The following MFSD2A variants were observed in gnomAD, a reference collection of about 807,000 sequenced individuals.
MFSD2A encodes the protein MFSD2 lysolipid transporter A, lysophospholipid, also known as sodium-dependent lysophosphatidylcholine symporter 1.
MFSD2A carries 27 observed loss-of-function variants against 64.7 expected under a neutral mutation model. The observed-to-expected ratio is 0.42, with a 90% CI of 0.31 to 0.58. The LOEUF is 0.58. Among genes scored for constraint, MFSD2A ranks in the 20% least tolerant of loss-of-function variants. MFSD2A has a pLI of 0.18. For missense variants in MFSD2A, 474 were observed against 679.5 expected, an observed-to-expected ratio of 0.70 and a Z score of 3.36; for synonymous variants, 258 against 273.4, an observed-to-expected ratio of 0.94 and a Z score of 0.55.
rs1361071365 is a variant in MFSD2A at position 39,968,846 on chromosome 1, A to G, written c.1529+101A>G. On this transcript the variant is annotated intron_variant, in intron 13 of 13. Coordinates refer to ENST00000372811, the MANE Select transcript of MFSD2A (RefSeq NM_032793.5). This position sits in a 1 kb window ranked among gnomAD's most constrained non-coding sequence, Gnocchi z 4.4. ...CCAAGTCCAGACTCACCCCCCACAC[A>G]TCTTCTCTGGACAGCTGTAACACTT... 1.2e-5 allele frequency: 15 copies of G among 1,302,418 alleles called. No homozygotes were observed. The highest frequency in any genetic ancestry group is 9.5e-5 in the East Asian group (4 of 42,182). The allele number at this position is 1,302,418 out of a possible 1,614,324, so 80.7% of individuals were successfully genotyped here.
intron 9 of MFSD2A, 59 bp from the exon 10 acceptor site, chr1:39,967,569 G>A: frequency 6.6e-7 from 1 of 1,504,042 alleles, no homozygotes. Context: ...TCTGGGAAGG[G>A]CAGGAGGGGC....
At position 39,959,861 on chromosome 1, in the gene MFSD2A, T is replaced by C. The variant is rs150649877; in HGVS notation, c.353+1036T>C. On this transcript the variant is annotated intron_variant, in intron 3 of 13. Coordinates refer to ENST00000372811, the MANE Select transcript of MFSD2A (RefSeq NM_032793.5). Reference sequence around the variant, plus strand: ...AGGAGAGCTGGCATGTGGTCCCTAGTACAGGCCACACCAGGGGAACTGCAG... The same window carrying C: ...AGGAGAGCTGGCATGTGGTCCCTAGCACAGGCCACACCAGGGGAACTGCAG... Among the ~76,000 whole-genome samples the C allele has an allele frequency of 1.2e-3, 184 of 152,336 alleles. 1 individual carries two copies. Among genetic ancestry groups the C allele is most frequent in the African/African-American group, 4.1e-3 (169 of 41,580 alleles).
rs1406527222 is a variant in MFSD2A at position 39,958,915 on chromosome 1, G to T, written c.353+90G>T. ...CCTTCTCTCTGTCTTGTCACAGGCA[G>T]AAGGGTGAGGAGAAGGAAGGAGTTA... On this transcript the variant is annotated intron_variant, in intron 3 of 13. Coordinates refer to ENST00000372811, the MANE Select transcript of MFSD2A (RefSeq NM_032793.5). This position sits in a 1 kb window ranked among gnomAD's most constrained non-coding sequence, Gnocchi z 4.7. The T allele has an allele frequency of 4.9e-6, 7 of 1,433,214 alleles. No individual in the cohort carries two copies. Among genetic ancestry groups the T allele is most frequent in the Non-Finnish European group, 6.6e-6 (7 of 1,062,576 alleles). 88.8% of individuals were successfully genotyped at this position (1,433,214 alleles called of 1,614,324 possible). A position where few individuals can be genotyped will look rare whatever the true frequency, so the allele number is the denominator to read the frequency against.
chr1:39,962,627 A>G, intron 3 of MFSD2A: 1 of 827,934 alleles, frequency 1.2e-6, no homozygotes, highest in Non-Finnish European at 2.0e-6. Flanking sequence ...CCTTCCGCGG[A>G]GGTTTCGGCA....
In MFSD2A at chr1:39,964,728, T is replaced by C. The variant is rs554327279; in HGVS notation, c.354-483T>C. On this transcript the variant is annotated intron_variant, in intron 3 of 13. Transcript: ENST00000372811. This position sits in a 1 kb window ranked among gnomAD's most constrained non-coding sequence, Gnocchi z 4.1. The stretch of plus-strand genomic sequence containing the variant: ...TGTGAATGGGGTGTGTGTGTGTGAA[T>C]GATGTGTGTGTGAATGAGGTGTGTG... The C allele has an allele frequency of 6.1e-4, 100 of 163,898 alleles. 2 individuals carry two copies. The highest frequency in any genetic ancestry group is 2.8e-3 in the Middle Eastern group (1 of 354). The allele number at this position is 163,898 out of a possible 1,614,324, so 10.2% of individuals were successfully genotyped here.
Position 39,965,444 on chromosome 1 carries a change from C to G in MFSD2A, c.478-27C>G. The G allele has an allele frequency of 6.2e-7, 1 of 1,613,838 alleles. No homozygotes were observed. The highest frequency in any genetic ancestry group is 2.2e-5 in the East Asian group (1 of 44,878). On this transcript the variant is annotated intron_variant, in intron 4 of 13. Coordinates refer to ENST00000372811, the MANE Select transcript of MFSD2A (RefSeq NM_032793.5). This position sits in a 1 kb window ranked among gnomAD's most constrained non-coding sequence, Gnocchi z 5.5. ...ACATCAGTGTGTCCACCCGCCTGAC[C>G]AGCCAATGACCTGTCTTCTATGCCA...
In MFSD2A at chr1:39,963,509, A is replaced by T; in HGVS notation, c.354-1702A>T. ...ACAGGCTGGACTCAAACTCCTGGGG[A>T]AAAGCAATCCTCTTGCCTCAGTTTC... On this transcript the variant is annotated intron_variant, in intron 3 of 13. Coordinates refer to ENST00000372811, the MANE Select transcript of MFSD2A (RefSeq NM_032793.5). The surrounding 1 kb of genome is among the most constrained non-coding windows in gnomAD (Gnocchi z 4.2). The T allele has an allele frequency of 2.3e-6, 1 of 444,084 alleles. No individual in the cohort carries two copies. Among genetic ancestry groups the T allele is most frequent in the Non-Finnish European group, 4.0e-6 (1 of 250,504 alleles). The allele number at this position is 444,084 out of a possible 1,614,324, so 27.5% of individuals were successfully genotyped here. A position where few individuals can be genotyped will look rare whatever the true frequency, so the allele number is the denominator to read the frequency against.
intron 1 of MFSD2A, 148 bp from the exon 2 acceptor site, chr1:39,956,939 A>C: frequency 1.4e-6 from 1 of 709,674 alleles, no homozygotes; most frequent in East Asian, 3.0e-5. Flanking sequence ...AAAAAAAAAA[A>C]AAAAAAGGTG....
intron 3 of MFSD2A, among the ~76,000 whole-genome samples, chr1:39,961,820 A>T (rs1047735707): frequency 6.6e-6 from 1 of 152,202 alleles, no homozygotes; most frequent in Non-Finnish European, 1.5e-5. Flanking sequence ...CCAAACCAGA[A>T]AGACTTTGAT....
chr1:39,964,601 TGGAGCTGGCCTCTCCCC>T lies in MFSD2A; in HGVS notation c.354-609_354-593del. 6.5e-6 allele frequency: 1 copy of T among 153,036 alleles called. No homozygotes were observed. 9.5% of individuals were successfully genotyped at this position (153,036 alleles called of 1,614,324 possible). A position where few individuals can be genotyped will look rare whatever the true frequency, so the allele number is the denominator to read the frequency against. ...CACCTGGGCCTTCAACTCCTTCACT[TGGAGCTGGCCTCTCCCC>T]ATCATGCCAGCTTCCCTGTGTGTGA... On this transcript the variant is annotated intron_variant, in intron 3 of 13. Coordinates refer to ENST00000372811, the MANE Select transcript of MFSD2A (RefSeq NM_032793.5). This position sits in a 1 kb window ranked among gnomAD's most constrained non-coding sequence, Gnocchi z 4.1.
At position 39,958,802 on chromosome 1, in the gene MFSD2A, C is replaced by G. The variant is rs200376723; in HGVS notation, c.330C>G (p.Thr110=). 2.9e-5 allele frequency: 46 copies of G among 1,612,348 alleles called. No homozygotes were observed. Among genetic ancestry groups the G allele is most frequent in the East Asian group, 8.9e-5 (4 of 44,866 alleles). ...TCTGCATCAGCAAATCCCCCTGGAC[C>G]TGCCTGGGTCGCCTTATGCCCTGGT... ...VGLCISKSPW[T]CLGRLMPWII... Residue 110 remains threonine, a synonymous_variant, in exon 3 of 14, where the codon ACC becomes ACG. Transcript: ENST00000372811. The surrounding 1 kb of genome is among the most constrained non-coding windows in gnomAD (Gnocchi z 4.7).
chr1:39,957,643 G>A (rs1644958308), intron 2 of MFSD2A, among the ~76,000 whole-genome samples: 1 of 152,236 alleles, frequency 6.6e-6, no homozygotes, highest in Non-Finnish European at 1.5e-5. Context: ...TACCTGAGGA[G>A]CAGAAGGGCA....
At position 39,968,194 on chromosome 1, in the gene MFSD2A, T is replaced by C; in HGVS notation, c.1209-140T>C. 7 of 1,027,874 alleles carry C rather than the reference T, an allele frequency of 6.8e-6. No homozygotes were observed. The highest frequency in any genetic ancestry group is 9.9e-6 in the Non-Finnish European group (7 of 707,664). 63.7% of individuals were successfully genotyped at this position (1,027,874 alleles called of 1,614,324 possible). A position where few individuals can be genotyped will look rare whatever the true frequency, so the allele number is the denominator to read the frequency against. ...ACTTCCTCTTAGAGCAAGAGGCCTT[T>C]TCTTATTCATGTGAAGGTCCCATAT... is the stretch of plus-strand genomic sequence containing the variant. On this transcript the variant is annotated intron_variant, in intron 11 of 13. Coordinates refer to ENST00000372811, the MANE Select transcript of MFSD2A (RefSeq NM_032793.5). The surrounding 1 kb of genome is among the most constrained non-coding windows in gnomAD (Gnocchi z 4.4).
chr1:39,957,291 A>C, intron 2 of MFSD2A, 70 bp downstream of exon 2: 1 of 1,438,380 alleles, frequency 7.0e-7, no homozygotes, highest in Non-Finnish European at 9.3e-7. Context: ...CCCCTGGGTC[A>C]GTTCGCTCAG....
chr1:39,956,317 TGGAACAGCTGC>T (rs1488586010), intron 1 of MFSD2A, among the ~76,000 whole-genome samples: 2 of 152,120 alleles, frequency 1.3e-5, no homozygotes, highest in Admixed American at 1.3e-4. Context: ...CTGGGATAGG[TGGAACAGCTGC>T]GCCTGCAGCC....
rs186443377 is a variant in MFSD2A at position 39,962,907 on chromosome 1, C to T, written c.354-2304C>T. ...GCAGAAGCAGACCCGTGCCGGCCAG[C>T]GCACCAGGTTCAAGGCGTTTGTTGC... is the stretch of plus-strand genomic sequence containing the variant. On this transcript the variant is annotated intron_variant, in intron 3 of 13. Transcript: ENST00000372811. 549 of 1,575,846 alleles carry T rather than the reference C, an allele frequency of 3.5e-4. 5 individuals are homozygous for T. Among genetic ancestry groups the T allele is most frequent in the South Asian group, 2.9e-3 (255 of 88,720 alleles).
Position 39,966,593 on chromosome 1 carries a change from C to G in MFSD2A, c.715-8C>G, listed in dbSNP as rs746471888. On this transcript the variant is annotated splice_region_variant and splice_polypyrimidine_tract_variant and intron_variant, in intron 6 of 13. Coordinates refer to ENST00000372811, the MANE Select transcript of MFSD2A (RefSeq NM_032793.5). ...CCATCCTTGTATGTCGCCTTCACCT[C>G]CTTATAGCAAAAGGCATACCTGCTG... 1 of 1,608,628 alleles carries G rather than the reference C, an allele frequency of 6.2e-7. No homozygotes were observed. The highest frequency in any genetic ancestry group is 1.1e-5 in the South Asian group (1 of 90,198).
chr1:39,963,043 G>A lies in MFSD2A; in HGVS notation c.354-2168G>A, dbSNP rs1267319236. On this transcript the variant is annotated intron_variant, in intron 3 of 13. Coordinates refer to ENST00000372811, the MANE Select transcript of MFSD2A (RefSeq NM_032793.5). This position sits in a 1 kb window ranked among gnomAD's most constrained non-coding sequence, Gnocchi z 4.2. ...GCCAAGCTCTCCATTGTCCCCGTGC[G>A]CAGAGGCTACTGGGGGAACAAGATC... 10 of 1,443,748 alleles carry A rather than the reference G, an allele frequency of 6.9e-6. No homozygotes were observed. Among genetic ancestry groups the A allele is most frequent in the African/African-American group, 5.6e-5 (4 of 71,492 alleles). The allele number at this position is 1,443,748 out of a possible 1,614,324, so 89.4% of individuals were successfully genotyped here.
Position 39,966,852 on chromosome 1 carries a change from C to G in MFSD2A, c.847C>G (p.Arg283Gly). Reference sequence around the variant, plus strand: ...GCAGTCTGAGCCAATCGCCTACTTCCGGGGCCTACGGCTGGTCATGAGCCA... The same window carrying G: ...GCAGTCTGAGCCAATCGCCTACTTCGGGGGCCTACGGCTGGTCATGAGCCA... ...AQQSEPIAYF[R>G]GLRLVMSHGP... Residue 283 changes from arginine to glycine, a missense_variant, in exon 8 of 14, where the codon CGG becomes GGG. Transcript: ENST00000372811. The G allele has an allele frequency of 6.2e-7, 1 of 1,614,050 alleles. No homozygotes were observed. Among genetic ancestry groups the G allele is most frequent in the Non-Finnish European group, 8.5e-7 (1 of 1,180,026 alleles).
Sources: allele counts gnomAD v4.1 joint callset (sites outside exome capture counted in the v4.1 genomes callset), GRCh38; gene constraint gnomAD v4.1.1; non-coding constraint Gnocchi (gnomAD v3.1); transcripts MANE v1.5; gene names NCBI Gene and HGNC (gene_info 2026-07-23, HGNC 2026-07-21).